OCA2: variants seen among roughly 807,000 people sequenced by gnomAD.
The protein encoded by OCA2 is P protein.
In OCA2, 77 loss-of-function variants were observed where a neutral mutation model predicts 100.2. The observed-to-expected ratio is 0.77, with a 90% CI of 0.64 to 0.93. The LOEUF (loss-of-function observed/expected upper bound fraction) is 0.93, where lower values mean the gene tolerates loss of function less well. OCA2 is among the 40% of genes least tolerant of loss of function. OCA2 has a pLI of 0.00. For synonymous variants in OCA2, 432 were observed against 439.2 expected (o/e 0.98, Z 0.21); for missense variants, 1,062 against 1,089.1 (o/e 0.98, Z 0.35).
the OCA2 span, among the ~76,000 whole-genome samples, chr15:27,722,813 T>TC: frequency 7.1e-3 from 1,029 of 145,348 alleles, 12 homozygotes; most frequent in African/African-American, 0.025. Context: ...TCTCTCTCTC[T>TC]TTCTCTCTCT....
the OCA2 span, among the ~76,000 whole-genome samples, chr15:27,740,388 A>T: frequency 6.6e-6 from 1 of 151,984 alleles, no homozygotes; most frequent in East Asian, 1.9e-4. Context: ...ACAACCCGGG[A>T]GCCACAGGCT....
At chr15:27,920,291 T>TAAC (rs905403841) in intron 19 of OCA2, among the ~76,000 whole-genome samples, 12 of 151,910 alleles carry the variant, frequency 7.9e-5, no homozygotes, top group African/African-American at 2.9e-4. Flanking sequence ...ACACAAATAG[T>TAAC]AACAACAACA....
At chr15:28,000,933 G>A (rs981976813) in intron 9 of OCA2, among the ~76,000 whole-genome samples, 2 of 152,132 alleles carry the variant, frequency 1.3e-5, no homozygotes, top group Non-Finnish European at 2.9e-5. Context: ...CTGTTAGAAT[G>A]GCTGTTATCA....
At chr15:27,806,512 G>T (rs1051076077) in intron 23 of OCA2, among the ~76,000 whole-genome samples, 3 of 152,012 alleles carry the variant, frequency 2.0e-5, no homozygotes, top group African/African-American at 7.2e-5. Context: ...GTGGAGAAGG[G>T]TCGGGGTAGA....
downstream of OCA2, among the ~76,000 whole-genome samples, chr15:27,750,699 A>T (rs1028817009): frequency 6.6e-6 from 1 of 152,230 alleles, no homozygotes; most frequent in African/African-American, 2.4e-5. Flanking sequence ...ATCTTTTCTC[A>T]GTGGGAATAA....
At chr15:27,844,042 C>G (rs575288279) in intron 23 of OCA2, among the ~76,000 whole-genome samples, 1 of 152,362 alleles carries the variant, frequency 6.6e-6, no homozygotes, top group African/African-American at 2.4e-5. Flanking sequence ...TTCATTTTAA[C>G]AGCACCATTT....
intron 19 of OCA2, among the ~76,000 whole-genome samples, chr15:27,914,124 A>G (rs1027633372): frequency 6.6e-6 from 1 of 152,136 alleles, no homozygotes. Context: ...AAACATAATT[A>G]AAAACAAAAA....
chr15:27,792,172 G>T (rs148850333), intron 23 of OCA2, among the ~76,000 whole-genome samples: 1 of 152,204 alleles, frequency 6.6e-6, no homozygotes, highest in Non-Finnish European at 1.5e-5. Context: ...CCTTATATGG[G>T]CTTAAAGTAG....
intron 22 of OCA2, among the ~76,000 whole-genome samples, chr15:27,850,331 G>A (rs151318091): frequency 6.9e-4 from 105 of 152,292 alleles, no homozygotes; most frequent in Middle Eastern, 3.4e-3. Context: ...TCGACAGCAG[G>A]GGGGTGAATT....
intron 18 of OCA2, among the ~76,000 whole-genome samples, chr15:27,935,533 C>T (rs2140451240): frequency 6.6e-6 from 1 of 152,344 alleles, no homozygotes; most frequent in East Asian, 1.9e-4. Context: ...GGGCATCTCT[C>T]AGCACCCCAG....
intron 23 of OCA2, among the ~76,000 whole-genome samples, chr15:27,790,066 A>G (rs1045821295): frequency 4.0e-5 from 6 of 150,998 alleles, no homozygotes; most frequent in Non-Finnish European, 8.8e-5. Flanking sequence ...TGAAAATATG[A>G]AAACTTCACA....
At chr15:27,989,797 T>C in intron 10 of OCA2, 131 bp from the exon 11 acceptor site, 1 of 780,510 alleles carries the variant, frequency 1.3e-6, no homozygotes, top group Non-Finnish European at 2.2e-6. Flanking sequence ...ACCATCCACT[T>C]GCCTTTGAAG....
At chr15:27,953,588 A>G (rs2040110037) in intron 17 of OCA2, among the ~76,000 whole-genome samples, 1 of 152,196 alleles carries the variant, frequency 6.6e-6, no homozygotes, top group South Asian at 2.1e-4. Context: ...AACCACAGAA[A>G]GTGGCTATTG....
intron 2 of OCA2, among the ~76,000 whole-genome samples, chr15:28,047,056 G>C (rs1311812876): frequency 1.3e-5 from 2 of 152,072 alleles, no homozygotes; most frequent in African/African-American, 4.8e-5. Context: ...TCCCATGCCT[G>C]CCTGTGCATC....
chr15:27,844,839 C>G, intron 23 of OCA2, 120 bp downstream of exon 23: 1 of 778,606 alleles, frequency 1.3e-6, no homozygotes. Context: ...TCCCCTACAC[C>G]ACAGTCTCTC....
At chr15:27,992,747 A>C (rs2041596824) in intron 9 of OCA2, among the ~76,000 whole-genome samples, 1 of 152,152 alleles carries the variant, frequency 6.6e-6, no homozygotes. Context: ...CAGCCCTGTG[A>C]CCTCACTCTA....
In OCA2 at chr15:27,871,257, A is replaced by G. The variant is rs1190078338; in HGVS notation, c.2141T>C (p.Met714Thr). The G allele has an allele frequency of 2.5e-6, 4 of 1,612,456 alleles. No individual in the cohort carries two copies. The highest frequency in any genetic ancestry group is 1.7e-5 in the Admixed American group (1 of 60,002). ...VGEQTALLIK[M>T]VPEEQRLIAA... is the part of the protein sequence containing the mutation. The stretch of plus-strand genomic sequence containing the variant: ...TATGAGGCGCTGCTCCTCTGGGACC[A>G]TCTGGAAGGAGGACAATAGCAGCTG... The change falls in exon 21 of 24, where the codon ATG (methionine) becomes ACG (threonine). Residue 714 changes from methionine (M) to threonine (T), a missense_variant and splice_region_variant. Met to Thr is a moderately conservative substitution (Grantham distance 81). Transcript: ENST00000354638.
intron 1 of OCA2, among the ~76,000 whole-genome samples, chr15:28,089,895 C>T (rs2044843594): frequency 6.6e-6 from 1 of 152,186 alleles, no homozygotes; most frequent in Non-Finnish European, 1.5e-5. Flanking sequence ...CTCAGTGTCA[C>T]ACAACATGCC....
intron 22 of OCA2, among the ~76,000 whole-genome samples, chr15:27,848,811 G>A (rs2035630128): frequency 6.6e-6 from 1 of 152,268 alleles, no homozygotes; most frequent in Non-Finnish European, 1.5e-5. Flanking sequence ...GAGTTGAAGA[G>A]CCACCAGTCC....
Sources: gnomAD v4.1 joint callset for allele counts (sites outside exome capture counted in the v4.1 genomes callset) on GRCh38, gnomAD v4.1.1 for gene constraint, MANE v1.5 for transcripts, NCBI Gene and HGNC (gene_info 2026-07-23, HGNC 2026-07-21) for gene names.